Variants in PID1 observed in about 807,000 individuals in gnomAD.
The protein encoded by PID1 is phosphotyrosine interaction domain containing 1, also known as PTB-containing, cubilin and LRP1-interacting protein.
In PID1, 10 loss-of-function variants were observed where a neutral mutation model predicts 19.1. The ratio of observed to expected loss-of-function variants is 0.52; its 90% CI spans 0.32 to 0.89. The LOEUF is 0.89. Ranked by LOEUF, PID1 falls within the 40% of genes least tolerant of loss-of-function variation. The probability of loss-of-function intolerance (pLI) is 0.03; values close to 1 mark genes in which losing one functional copy is unlikely to be tolerated. For synonymous variants in PID1, 130 were observed against 116.0 expected (o/e 1.12, Z -0.78); for missense variants, 248 against 285.3 (o/e 0.87, Z 0.94).
At chr2:229,251,959 A>G (rs1418950952) in intron 1 of PID1, among the ~76,000 whole-genome samples, 4 of 151,656 alleles carry the variant, frequency 2.6e-5, no homozygotes, top group Admixed American at 1.3e-4. Flanking sequence ...AAAAAAAAAA[A>G]AAAAGAAAAG....
At chr2:229,114,193 ACACACAC>A (rs1472436678) in intron 2 of PID1, among the ~76,000 whole-genome samples, 2 of 149,970 alleles carry the variant, frequency 1.3e-5, no homozygotes, top group South Asian at 2.2e-4. Flanking sequence ...ACACACACAC[ACACACAC>A]AACACAACAC....
intron 1 of PID1, among the ~76,000 whole-genome samples, chr2:229,240,821 G>A (rs1209517039): frequency 2.0e-5 from 3 of 151,934 alleles, no homozygotes; most frequent in Admixed American, 6.6e-5. Flanking sequence ...TCTTTTTCTT[G>A]TCTCTTTCTG....
At chr2:229,215,130 T>C (rs1691818233) in intron 1 of PID1, among the ~76,000 whole-genome samples, 1 of 152,224 alleles carries the variant, frequency 6.6e-6, no homozygotes, top group South Asian at 2.1e-4. Flanking sequence ...GCATAGGCTT[T>C]ATCCTACTTT....
intron 2 of PID1, among the ~76,000 whole-genome samples, chr2:229,141,508 T>C (rs928915393): frequency 3.3e-5 from 5 of 152,114 alleles, no homozygotes; most frequent in African/African-American, 1.2e-4. Flanking sequence ...GGAAAGTGTT[T>C]CCATAATAGT....
chr2:229,151,591 G>A (rs952529949), intron 2 of PID1, among the ~76,000 whole-genome samples: 4 of 146,364 alleles, frequency 2.7e-5, no homozygotes, highest in African/African-American at 1.0e-4. Context: ...TTTTTTCTGA[G>A]ACGGAGTCTC....
In PID1 at chr2:229,155,811, C is replaced by T; in HGVS notation, c.177+7G>A. The T allele has an allele frequency of 1.2e-6, 2 of 1,609,240 alleles. No individual in the cohort carries two copies. The highest frequency in any genetic ancestry group is 2.2e-5 in the South Asian group (2 of 90,602). ...AAGAGAACCCCTGCTGGCCACGTGC[C>T]CCATACCTTGCAGCCACTGTGAGTC... On this transcript the variant is annotated splice_region_variant and intron_variant, in intron 2 of 2. Coordinates refer to ENST00000392055, the MANE Select transcript of PID1 (RefSeq NM_001100818.2).
chr2:229,027,185 G>C (rs1254724687), intron 2 of PID1, among the ~76,000 whole-genome samples: 1 of 152,166 alleles, frequency 6.6e-6, no homozygotes, highest in Non-Finnish European at 1.5e-5. Context: ...GACAATACAG[G>C]CCACATATAA....
chr2:229,221,036 G>T (rs1343248469), intron 1 of PID1, among the ~76,000 whole-genome samples: 1 of 152,058 alleles, frequency 6.6e-6, no homozygotes, highest in Admixed American at 6.5e-5. Flanking sequence ...GTGTAGACTT[G>T]CCCCCTTGTA....
At chr2:229,046,533 C>A (rs1404860058) in intron 2 of PID1, among the ~76,000 whole-genome samples, 1 of 151,888 alleles carries the variant, frequency 6.6e-6, no homozygotes, top group Non-Finnish European at 1.5e-5. Context: ...GGTGAAAAAT[C>A]TTAAGTTCTT....
intron 1 of PID1, among the ~76,000 whole-genome samples, chr2:229,211,123 G>A (rs1370885332): frequency 6.6e-6 from 1 of 152,104 alleles, no homozygotes; most frequent in East Asian, 1.9e-4. Flanking sequence ...GTGAAATGAT[G>A]ATATATAAAA....
chr2:229,127,757 A>G (rs754632227), intron 2 of PID1, among the ~76,000 whole-genome samples: 1 of 152,100 alleles, frequency 6.6e-6, no homozygotes, highest in Admixed American at 6.6e-5. Flanking sequence ...ACTAAAGCAC[A>G]CTCTTCTCCA....
chr2:229,154,100 T>C (rs1433340201), intron 2 of PID1, among the ~76,000 whole-genome samples: 1 of 152,206 alleles, frequency 6.6e-6, no homozygotes, highest in Non-Finnish European at 1.5e-5. Context: ...GCAGAGCCAC[T>C]GACAATAGCT....
At chr2:229,136,889 T>C (rs1483001893) in intron 2 of PID1, among the ~76,000 whole-genome samples, 1 of 152,182 alleles carries the variant, frequency 6.6e-6, no homozygotes, top group Non-Finnish European at 1.5e-5. Flanking sequence ...ATGCCAATAC[T>C]TACCACGTAT....
chr2:229,057,644 C>T (rs1050164991), intron 2 of PID1, among the ~76,000 whole-genome samples: 1 of 152,034 alleles, frequency 6.6e-6, no homozygotes, highest in African/African-American at 2.4e-5. Context: ...AATAATGTAT[C>T]AGAAATATCA....
Position 229,025,888 on chromosome 2 carries a change from A to C in PID1, c.398T>G (p.Ile133Ser). 1 of 1,614,214 alleles carries C rather than the reference A, an allele frequency of 6.2e-7. No individual in the cohort carries two copies. Among genetic ancestry groups the C allele is most frequent in the Non-Finnish European group, 8.5e-7 (1 of 1,180,030 alleles). ...VHMDTFQVARIAYCTADHNVS... is the reference protein window; with the variant it reads ...VHMDTFQVARSAYCTADHNVS... The stretch of plus-strand genomic sequence containing the variant: ...GTTGTGGTCGGCGGTGCAGTAGGCG[A>C]TGCGGGCCACCTGGAAGGTATCCAT... The change falls in exon 3 of 3, where the codon ATC becomes AGC. Residue 133 changes from isoleucine to serine, a missense_variant. Coordinates refer to ENST00000392055, the MANE Select transcript of PID1 (RefSeq NM_001100818.2).
intron 2 of PID1, among the ~76,000 whole-genome samples, chr2:229,072,710 C>T (rs972459652): frequency 1.3e-5 from 2 of 152,204 alleles, no homozygotes; most frequent in Middle Eastern, 6.8e-3. Context: ...TGTATTGTTA[C>T]GTATTTGGCA....
intron 2 of PID1, among the ~76,000 whole-genome samples, chr2:229,129,674 C>G (rs1252746493): frequency 2.6e-5 from 4 of 152,110 alleles, no homozygotes; most frequent in Non-Finnish European, 5.9e-5. Context: ...GATCAAGAAG[C>G]ACATTTCTAG....
intron 2 of PID1, among the ~76,000 whole-genome samples, chr2:229,036,263 C>T (rs556913724): frequency 6.6e-6 from 1 of 152,170 alleles, no homozygotes; most frequent in Non-Finnish European, 1.5e-5. Flanking sequence ...CAGGCCTGGG[C>T]ATCCTTTATG....
intron 1 of PID1, among the ~76,000 whole-genome samples, chr2:229,163,024 AAAG>A (rs1423481237): frequency 6.6e-6 from 1 of 152,212 alleles, no homozygotes; most frequent in Non-Finnish European, 1.5e-5. Flanking sequence ...TAATGATATG[AAAG>A]AAGAAAACTT....
Sources: gnomAD v4.1 joint callset for allele counts (sites outside exome capture counted in the v4.1 genomes callset) on GRCh38, gnomAD v4.1.1 for gene constraint, MANE v1.5 for transcripts, NCBI Gene and HGNC (gene_info 2026-07-23, HGNC 2026-07-21) for gene names.